Variants in CNTN5 observed in about 807,000 individuals in gnomAD.
CNTN5 encodes contactin 5.
Under a neutral mutation model 129.1 loss-of-function variants are expected in CNTN5, and 77 were observed. The observed-to-expected ratio is 0.60, with a 90% confidence interval of 0.50 to 0.72. CNTN5 has a LOEUF of 0.72. CNTN5 is among the 30% of genes least tolerant of loss of function. The probability of loss-of-function intolerance (pLI) is 0.00; values close to 1 mark genes in which losing one functional copy is unlikely to be tolerated. For synonymous variants in CNTN5, 509 were observed against 465.6 expected (o/e 1.09, Z -1.20); for missense variants, 1,478 against 1,328.8 (o/e 1.11, Z -1.75).
chr11:100,166,569 T>C (rs745327224), intron 13 of CNTN5, among the ~76,000 whole-genome samples: 1 of 151,796 alleles, frequency 6.6e-6, no homozygotes, highest in Non-Finnish European at 1.5e-5. Flanking sequence ...AGAACACTTT[T>C]TAAAATTAAC....
At chr11:99,928,057 G>C (rs756574860) in intron 7 of CNTN5, among the ~76,000 whole-genome samples, 1 of 152,180 alleles carries the variant, frequency 6.6e-6, no homozygotes. Flanking sequence ...CCCCATGCAA[G>C]TCCTAAATCC....
chr11:100,048,429 T>G (rs1304707765), intron 9 of CNTN5, among the ~76,000 whole-genome samples: 1 of 152,166 alleles, frequency 6.6e-6, no homozygotes, highest in Non-Finnish European at 1.5e-5. Context: ...ATTCCCATAA[T>G]AAATACATAT....
chr11:100,128,632 G>C (rs893290106), intron 13 of CNTN5, among the ~76,000 whole-genome samples: 9 of 152,104 alleles, frequency 5.9e-5, no homozygotes, highest in Non-Finnish European at 1.2e-4. Context: ...ATAGTAGAAA[G>C]GCACAGAGAG....
chr11:99,511,680 G>C (rs377454569), intron 2 of CNTN5, among the ~76,000 whole-genome samples: 8,587 of 151,634 alleles, frequency 0.057, 248 homozygotes, highest in South Asian at 0.078. Context: ...GGGAATCTAA[G>C]TCTCTTTGTA....
chr11:99,059,066 C>T (rs1257438683), intron 1 of CNTN5, among the ~76,000 whole-genome samples: 2 of 148,476 alleles, frequency 1.3e-5, no homozygotes, highest in African/African-American at 5.0e-5. Context: ...CTTCTCTCCC[C>T]TTGCCTCCCT....
chr11:99,973,879 C>T (rs1422576551), intron 8 of CNTN5, among the ~76,000 whole-genome samples: 3 of 152,156 alleles, frequency 2.0e-5, no homozygotes, highest in African/African-American at 7.2e-5. Flanking sequence ...CATAAAATAA[C>T]AAGACATTTA....
intron 2 of CNTN5, among the ~76,000 whole-genome samples, chr11:99,504,282 C>T (rs1383367090): frequency 6.6e-6 from 1 of 152,024 alleles, no homozygotes; most frequent in Non-Finnish European, 1.5e-5. Context: ...ATGGCTCATG[C>T]CTGTAATCCC....
At chr11:99,213,200 TA>T (rs35628822) in intron 1 of CNTN5, among the ~76,000 whole-genome samples, 2 of 8,510 alleles carry the variant, frequency 2.4e-4, no homozygotes, top group African/African-American at 1.4e-3. Flanking sequence ...CAAAAAAAAT[TA>T]TATATATATA....
intron 15 of CNTN5, among the ~76,000 whole-genome samples, chr11:100,213,466 A>G (rs1328899831): frequency 1.3e-5 from 2 of 152,170 alleles, no homozygotes; most frequent in South Asian, 2.1e-4. Context: ...TTCAGTATCA[A>G]TCTGACTTGA....
intron 15 of CNTN5, among the ~76,000 whole-genome samples, chr11:100,202,147 C>T (rs1274625798): frequency 6.6e-6 from 1 of 151,950 alleles, no homozygotes; most frequent in Non-Finnish European, 1.5e-5. Context: ...GAAAGATAAA[C>T]AACTTTCCCA....
intron 2 of CNTN5, among the ~76,000 whole-genome samples, chr11:99,514,609 A>G (rs1347546376): frequency 6.6e-6 from 1 of 152,090 alleles, no homozygotes; most frequent in Non-Finnish European, 1.5e-5. Context: ...TAGCAAAAAG[A>G]TGACCATTTG....
intron 2 of CNTN5, among the ~76,000 whole-genome samples, chr11:99,472,161 A>G (rs1945202116): frequency 1.3e-5 from 2 of 152,162 alleles, no homozygotes; most frequent in Admixed American, 6.6e-5. Context: ...ATCGAGGCAC[A>G]AAGTCAAAGT....
intron 17 of CNTN5, among the ~76,000 whole-genome samples, chr11:100,256,242 A>G (rs1212362656): frequency 2.0e-5 from 3 of 152,168 alleles, no homozygotes; most frequent in East Asian, 1.9e-4. Flanking sequence ...AAAATCTTAC[A>G]TAACCATAGT....
At chr11:99,027,776 T>C (rs1483619502) in intron 1 of CNTN5, among the ~76,000 whole-genome samples, 2 of 151,738 alleles carry the variant, frequency 1.3e-5, no homozygotes, top group African/African-American at 4.8e-5. Context: ...CTTCTCCTGA[T>C]GCTTTAATTG....
At position 100,313,661 on chromosome 11, in the gene CNTN5, C is replaced by G. The variant is rs1463107689; in HGVS notation, c.2730+5193C>G. Among the ~76,000 whole-genome samples the G allele has an allele frequency of 3.3e-5, 5 of 151,902 alleles. No individual in the cohort carries two copies. In the East Asian group the frequency reaches 9.7e-4, roughly 30 times the overall value. ...CCATTATAGAAGTGGTATTTAAATC[C>G]ATGCTACCATAGGAAAGCATCTGAG... is the stretch of plus-strand genomic sequence containing the variant. On this transcript the variant is annotated intron_variant, in intron 21 of 24. Transcript: ENST00000524871.
At chr11:99,115,780 A>G (rs1443954794) in intron 1 of CNTN5, among the ~76,000 whole-genome samples, 1 of 152,160 alleles carries the variant, frequency 6.6e-6, no homozygotes, top group African/African-American at 2.4e-5. Flanking sequence ...AACAACAACA[A>G]AAAAGATAAA....
At chr11:99,125,297 T>C (rs1264282014) in intron 1 of CNTN5, among the ~76,000 whole-genome samples, 15 of 151,744 alleles carry the variant, frequency 9.9e-5, no homozygotes, top group Non-Finnish European at 1.5e-5. Context: ...ATAAGGTTGG[T>C]TCAACATTTG....
At position 100,281,592 on chromosome 11, in the gene CNTN5, G is replaced by A. The variant is rs188521317; in HGVS notation, c.2314+10351G>A. Among the ~76,000 whole-genome samples, 38 of 152,122 alleles carry A rather than the reference G, an allele frequency of 2.5e-4. No homozygotes were observed. The East Asian group carries it at 6.8e-3, about 27-fold the overall frequency. On this transcript the variant is annotated intron_variant, in intron 18 of 24. Coordinates refer to ENST00000524871, the MANE Select transcript of CNTN5 (RefSeq NM_014361.4). The stretch of plus-strand genomic sequence containing the variant: ...GTTCTTTGGGTTGAATCTGCTTGGT[G>A]TTCTATAACCTTCTTGTACTTAAAT...
At chr11:99,160,796 G>A (rs1005228563) in intron 1 of CNTN5, among the ~76,000 whole-genome samples, 5 of 152,142 alleles carry the variant, frequency 3.3e-5, no homozygotes, top group African/African-American at 1.2e-4. Context: ...CAGTGAGAGG[G>A]AGAAGACACA....
Sources: allele counts gnomAD v4.1 joint callset (sites outside exome capture counted in the v4.1 genomes callset), GRCh38; gene constraint gnomAD v4.1.1; transcripts MANE v1.5; gene names NCBI Gene and HGNC (gene_info 2026-07-23, HGNC 2026-07-21).